Variants in POFUT3 observed in about 807,000 individuals in gnomAD.
The protein encoded by POFUT3 is GDP-fucose protein O-fucosyltransferase 3.
At chr8:33,412,553 A>G in the POFUT3 span, among the ~76,000 whole-genome samples, 1 of 152,160 alleles carries the variant, frequency 6.6e-6, no homozygotes, top group African/African-American at 2.4e-5. Flanking sequence ...CCAGCTAACT[A>G]CTAGGAAGTA....
chr8:33,430,916 C>T, the POFUT3 span, among the ~76,000 whole-genome samples: 2 of 151,966 alleles, frequency 1.3e-5, no homozygotes, highest in Non-Finnish European at 2.9e-5. Flanking sequence ...CCAAAGACAT[C>T]GTTTTAAAGA....
the POFUT3 span, among the ~76,000 whole-genome samples, chr8:33,319,192 TA>T: frequency 6.3e-5 from 4 of 63,204 alleles, 2 homozygotes; most frequent in African/African-American, 2.9e-4. Context: ...AAAATATATT[TA>T]TATATTTTAC....
At chr8:33,388,405 C>T in the POFUT3 span, among the ~76,000 whole-genome samples, 1 of 139,784 alleles carries the variant, frequency 7.2e-6, no homozygotes, top group Non-Finnish European at 1.5e-5. Context: ...GGCATGATCT[C>T]GGCTCACTGC....
the POFUT3 span, among the ~76,000 whole-genome samples, chr8:33,402,402 T>C: frequency 1.3e-5 from 2 of 152,200 alleles, no homozygotes; most frequent in South Asian, 2.1e-4. Context: ...CCTGGAGAAA[T>C]AAACTCTTTA....
chr8:33,315,983 T>G, the POFUT3 span, among the ~76,000 whole-genome samples: 1 of 152,112 alleles, frequency 6.6e-6, no homozygotes, highest in Non-Finnish European at 1.5e-5. Flanking sequence ...TGATACTGTC[T>G]AATTGTGGGG....
At chr8:33,462,289 G>A in the POFUT3 span, among the ~76,000 whole-genome samples, 1 of 151,922 alleles carries the variant, frequency 6.6e-6, no homozygotes, top group Non-Finnish European at 1.5e-5. Context: ...GCCATCAGAA[G>A]ACTGAATTCC....
At chr8:33,334,696 A>G in the POFUT3 span, among the ~76,000 whole-genome samples, 2 of 152,218 alleles carry the variant, frequency 1.3e-5, no homozygotes, top group Non-Finnish European at 2.9e-5. Flanking sequence ...CTGGACATAA[A>G]CATAATAGCA....
At chr8:33,353,715 G>C in the POFUT3 span, among the ~76,000 whole-genome samples, 1 of 152,156 alleles carries the variant, frequency 6.6e-6, no homozygotes, top group African/African-American at 2.4e-5. Flanking sequence ...CAGTCAGAGG[G>C]AGAAAGTGTG....
the POFUT3 span, among the ~76,000 whole-genome samples, chr8:33,460,509 T>C: frequency 2.0e-5 from 3 of 152,218 alleles, no homozygotes; most frequent in Admixed American, 6.5e-5. Context: ...ACTTATAATA[T>C]AGATGTCTGT....
the POFUT3 span, chr8:33,461,316 AG>A: frequency 6.5e-7 from 1 of 1,537,126 alleles, no homozygotes; most frequent in Non-Finnish European, 8.8e-7. Context: ...AATAGGGGGT[AG>A]GGGGACATGG....
At chr8:33,368,116 T>C in the POFUT3 span, among the ~76,000 whole-genome samples, 1 of 152,172 alleles carries the variant, frequency 6.6e-6, no homozygotes, top group Non-Finnish European at 1.5e-5. Flanking sequence ...ATTTAACTGC[T>C]CATGTCACTG....
chr8:33,331,941 G>A, the POFUT3 span, among the ~76,000 whole-genome samples: 2 of 55,388 alleles, frequency 3.6e-5, no homozygotes, highest in South Asian at 2.0e-3. Context: ...CTCCCAAAGT[G>A]CTGGGATTAC....
the POFUT3 span, among the ~76,000 whole-genome samples, chr8:33,391,579 G>A: frequency 6.6e-6 from 1 of 152,204 alleles, no homozygotes; most frequent in Non-Finnish European, 1.5e-5. Flanking sequence ...AAGTACAACA[G>A]CTGCTGCTCA....
At chr8:33,384,955 G>A in the POFUT3 span, among the ~76,000 whole-genome samples, 1 of 152,148 alleles carries the variant, frequency 6.6e-6, no homozygotes, top group Non-Finnish European at 1.5e-5. Context: ...GTGACAGTGG[G>A]CACAGCAGTC....
the POFUT3 span, among the ~76,000 whole-genome samples, chr8:33,323,689 G>C: frequency 1.3e-5 from 2 of 152,250 alleles, no homozygotes; most frequent in Non-Finnish European, 2.9e-5. Context: ...GGGATACGGG[G>C]CTATCAGTTC....
chr8:33,436,294 C>T, the POFUT3 span: 1 of 1,348,408 alleles, frequency 7.4e-7, no homozygotes, highest in Non-Finnish European at 1.1e-6. Context: ...CTGTGAAACT[C>T]TGTGTTATCA....
chr8:33,415,546 C>T, the POFUT3 span, among the ~76,000 whole-genome samples: 1 of 152,144 alleles, frequency 6.6e-6, no homozygotes, highest in Non-Finnish European at 1.5e-5. Context: ...TCCCCACCCT[C>T]ATACATGTAG....
chr8:33,404,049 G>A, the POFUT3 span, among the ~76,000 whole-genome samples: 2 of 152,028 alleles, frequency 1.3e-5, 1 homozygote, highest in South Asian at 4.2e-4. Context: ...AGAAAATGAA[G>A]GTTCCAGGCC....
the POFUT3 span, among the ~76,000 whole-genome samples, chr8:33,326,045 C>T: frequency 6.6e-6 from 1 of 152,210 alleles, no homozygotes; most frequent in East Asian, 1.9e-4. Flanking sequence ...CTGCTGGAGT[C>T]AGGTCCTCTC....
Sources: allele counts gnomAD v4.1 joint callset (sites outside exome capture counted in the v4.1 genomes callset), GRCh38; gene constraint gnomAD v4.1.1; transcripts MANE v1.5; gene names NCBI Gene and HGNC (gene_info 2026-07-23, HGNC 2026-07-21).